Variants in CCDC85A observed in about 807,000 individuals in gnomAD.
The protein encoded by CCDC85A is coiled-coil domain containing 85A, also known as coiled-coil domain-containing protein 85A.
A neutral mutation model predicts 50.2 loss-of-function variants in CCDC85A; 38 were observed. That is an observed-to-expected ratio of 0.76 (90% CI 0.58 to 0.99). The LOEUF is 0.99. Among genes scored for constraint, CCDC85A ranks in the 50% least tolerant of loss-of-function variants. The pLI is 0.00. For missense variants in CCDC85A, 820 were observed against 742.0 expected (o/e 1.11, Z -1.22); for synonymous variants, 366 against 301.4 (o/e 1.21, Z -2.22).
chr2:56,221,115 C>T (rs1328666511), intron 2 of CCDC85A, among the ~76,000 whole-genome samples: 1 of 151,948 alleles, frequency 6.6e-6, no homozygotes, highest in African/African-American at 2.4e-5. Context: ...CAATGGCAAA[C>T]ACTAGCTTAT....
chr2:56,205,324 C>G (rs559185130), intron 2 of CCDC85A, among the ~76,000 whole-genome samples: 1 of 152,282 alleles, frequency 6.6e-6, no homozygotes, highest in South Asian at 2.1e-4. Context: ...AAAGACCAGA[C>G]ATTTTCTCCT....
At chr2:56,216,454 T>C (rs1677397030) in intron 2 of CCDC85A, among the ~76,000 whole-genome samples, 1 of 151,816 alleles carries the variant, frequency 6.6e-6, no homozygotes, top group African/African-American at 2.4e-5. Flanking sequence ...GTATTTCATT[T>C]AAGTTTTAAT....
intron 2 of CCDC85A, among the ~76,000 whole-genome samples, chr2:56,243,208 T>C (rs936122271): frequency 6.6e-6 from 1 of 152,176 alleles, no homozygotes; most frequent in Non-Finnish European, 1.5e-5. Context: ...TTATTAACCC[T>C]TTGAATAAAC....
At chr2:56,320,812 T>C (rs1180620849) in intron 2 of CCDC85A, among the ~76,000 whole-genome samples, 1 of 152,040 alleles carries the variant, frequency 6.6e-6, no homozygotes, top group Non-Finnish European at 1.5e-5. Context: ...CATCCTGATA[T>C]CAAAGGCTGG....
At position 56,361,125 on chromosome 2, in the gene CCDC85A, G is replaced by A. The variant is rs190153255; in HGVS notation, c.1318-11219G>A. On this transcript the variant is annotated intron_variant, in intron 3 of 5. Coordinates refer to ENST00000407595, the MANE Select transcript of CCDC85A (RefSeq NM_001080433.2). ...AAACCTTAGCCGGGCGTGGTGGCGGGTGCCTGTAGTCCCAGCTACTCGGGA... is the reference window on the plus strand; with the variant it reads ...AAACCTTAGCCGGGCGTGGTGGCGGATGCCTGTAGTCCCAGCTACTCGGGA... Among the ~76,000 whole-genome samples, 1,022 of 152,274 alleles carry A rather than the reference G, an allele frequency of 6.7e-3. 36 individuals carry two copies. Among genetic ancestry groups the A allele is most frequent in the Admixed American group, 0.059 (905 of 15,298 alleles).
At chr2:56,247,620 T>G (rs1216115908) in intron 2 of CCDC85A, among the ~76,000 whole-genome samples, 1 of 152,216 alleles carries the variant, frequency 6.6e-6, no homozygotes, top group Non-Finnish European at 1.5e-5. Context: ...TGTCTTATTT[T>G]GAAGGCAACT....
intron 2 of CCDC85A, among the ~76,000 whole-genome samples, chr2:56,221,467 C>T (rs1668326400): frequency 6.6e-6 from 1 of 152,014 alleles, no homozygotes; most frequent in South Asian, 2.1e-4. Flanking sequence ...ACACTTGTCT[C>T]CTGAGTTGAA....
At chr2:56,238,862 T>C (rs1311138897) in intron 2 of CCDC85A, among the ~76,000 whole-genome samples, 1 of 152,212 alleles carries the variant, frequency 6.6e-6, no homozygotes, top group East Asian at 1.9e-4. Flanking sequence ...ATAGGTGTCA[T>C]GTATAACCTT....
At chr2:56,268,206 T>C (rs1670535644) in intron 2 of CCDC85A, among the ~76,000 whole-genome samples, 1 of 152,198 alleles carries the variant, frequency 6.6e-6, no homozygotes, top group African/African-American at 2.4e-5. Context: ...GAATCAATTA[T>C]CTTATGGAAC....
At chr2:56,342,808 C>G in intron 2 of CCDC85A, 71 bp from the exon 3 acceptor site, 1 of 966,018 alleles carries the variant, frequency 1.0e-6, no homozygotes, top group Non-Finnish European at 1.6e-6. Context: ...ATAAATCAAG[C>G]CAGAAATATC....
At chr2:56,289,878 G>T (rs1452820885) in intron 2 of CCDC85A, among the ~76,000 whole-genome samples, 1 of 151,744 alleles carries the variant, frequency 6.6e-6, no homozygotes, top group Non-Finnish European at 1.5e-5. Flanking sequence ...TGATATCTTT[G>T]TCAGATGGTT....
intron 1 of CCDC85A, among the ~76,000 whole-genome samples, chr2:56,190,439 G>T (rs1325665725): frequency 6.6e-6 from 1 of 152,186 alleles, no homozygotes; most frequent in Non-Finnish European, 1.5e-5. Context: ...ACATAGATGA[G>T]GTCTCTGTTC....
chr2:56,356,181 G>A (rs1354140209), intron 3 of CCDC85A, among the ~76,000 whole-genome samples: 1 of 152,192 alleles, frequency 6.6e-6, no homozygotes, highest in African/African-American at 2.4e-5. Flanking sequence ...GGAATGATTG[G>A]TCGTTATGCT....
At position 56,258,994 on chromosome 2, in the gene CCDC85A, C is replaced by T. The variant is rs191664339; in HGVS notation, c.1240+65554C>T. On this transcript the variant is annotated intron_variant, in intron 2 of 5. Coordinates refer to ENST00000407595, the MANE Select transcript of CCDC85A (RefSeq NM_001080433.2). ...AAGGTCGGGTGACTTAGGGCCAACA[C>T]TAAATGAATAAAATAATGGTTGGAC... Among the ~76,000 whole-genome samples the T allele has an allele frequency of 4.3e-4, 66 of 152,222 alleles. 1 individual carries two copies. The highest frequency in any genetic ancestry group is 1.5e-3 in the African/African-American group (61 of 41,536).
intron 1 of CCDC85A, 132 bp downstream of exon 1, chr2:56,185,032 A>G (rs1354030762): frequency 8.9e-7 from 1 of 1,117,538 alleles, no homozygotes; most frequent in East Asian, 3.0e-5. Context: ...GGCACCCCCT[A>G]CCCCCAGTCC....
intron 2 of CCDC85A, among the ~76,000 whole-genome samples, chr2:56,197,989 G>A (rs1266099505): frequency 2.0e-5 from 3 of 151,568 alleles, no homozygotes; most frequent in African/African-American, 7.3e-5. Flanking sequence ...AATGCTAATG[G>A]GTATTTCCCA....
intron 2 of CCDC85A, among the ~76,000 whole-genome samples, chr2:56,306,027 A>T (rs995965198): frequency 6.6e-6 from 1 of 152,212 alleles, no homozygotes; most frequent in Non-Finnish European, 1.5e-5. Flanking sequence ...AAGTCTTGCT[A>T]AGTGCCAGAA....
rs2103827802 is a variant in CCDC85A at position 56,193,332 on chromosome 2, A to G, written c.1132A>G (p.Ser378Gly). 5 of 1,612,472 alleles carry G rather than the reference A, an allele frequency of 3.1e-6. No homozygotes were observed. The highest frequency in any genetic ancestry group is 4.2e-6 in the Non-Finnish European group (5 of 1,179,106). The part of the protein sequence containing the change: ...GSPDHKHGGG[S>G]GGSGGSGGGS... ...CCCTGATCACAAACACGGAGGAGGCAGTGGAGGAAGTGGAGGCAGCGGCGG... is the reference window on the plus strand; with the variant it reads ...CCCTGATCACAAACACGGAGGAGGCGGTGGAGGAAGTGGAGGCAGCGGCGG... The change falls in exon 2 of 6, where the codon AGT becomes GGT. Residue 378 changes from serine (S) to glycine (G), a missense_variant. Ser to Gly is a moderately conservative substitution (Grantham distance 56). Coordinates refer to ENST00000407595, the MANE Select transcript of CCDC85A (RefSeq NM_001080433.2).
At chr2:56,264,434 C>T (rs918743451) in intron 2 of CCDC85A, among the ~76,000 whole-genome samples, 4 of 152,172 alleles carry the variant, frequency 2.6e-5, no homozygotes, top group Non-Finnish European at 4.4e-5. Flanking sequence ...TCACCTTTGA[C>T]TCTCACATCT....
Sources: gnomAD v4.1 joint callset for allele counts (sites outside exome capture counted in the v4.1 genomes callset) on GRCh38, gnomAD v4.1.1 for gene constraint, MANE v1.5 for transcripts, NCBI Gene and HGNC (gene_info 2026-07-23, HGNC 2026-07-21) for gene names.